The following RNF141 variants were observed in gnomAD, a reference collection of about 807,000 sequenced individuals.
RNF141 encodes ring finger protein 141, also known as C3HC4-like zinc finger protein.
In RNF141, 18 loss-of-function variants were observed where a neutral mutation model predicts 27.4. The observed-to-expected ratio is 0.66, with a 90% CI of 0.45 to 0.97. The LOEUF is 0.97. RNF141 is among the 50% of genes least tolerant of loss of function. RNF141 has a pLI of 0.00. For missense variants in RNF141, 230 were observed against 279.4 expected, an observed-to-expected ratio of 0.82 and a Z score of 1.26; for synonymous variants, 97 against 96.6, an observed-to-expected ratio of 1.00 and a Z score of -0.02.
chr11:10,519,812 G>T (rs1849873007), intron 4 of RNF141, among the ~76,000 whole-genome samples: 1 of 152,150 alleles, frequency 6.6e-6, no homozygotes, highest in Admixed American at 6.5e-5. Flanking sequence ...GAGCATGCGG[G>T]CCTGGAAGTT....
intron 2 of RNF141, among the ~76,000 whole-genome samples, chr11:10,531,495 TAACA>T (rs2133973703): frequency 6.6e-6 from 1 of 152,282 alleles, no homozygotes; most frequent in African/African-American, 2.4e-5. Flanking sequence ...ACAATGATAC[TAACA>T]AACCTCTTGA....
At chr11:10,529,172 TCTAATCTAAACCAATCATG>T (rs1406780320) in intron 3 of RNF141, among the ~76,000 whole-genome samples, 1 of 152,214 alleles carries the variant, frequency 6.6e-6, no homozygotes, top group Non-Finnish European at 1.5e-5. Context: ...TCCTGGTTAG[TCTAATCTAAACCAATCATG>T]CTAATCATAT....
Position 10,525,347 on chromosome 11 carries a change from C to T in RNF141, c.279G>A (p.Glu93=), listed in dbSNP as rs1008158192. The T allele has an allele frequency of 6.3e-7, 1 of 1,589,956 alleles. No homozygotes were observed. The highest frequency in any genetic ancestry group is 1.2e-5 in the South Asian group (1 of 85,694). ...GGTATAAATTCATGATCCGTGATGCCTCCACAATGCCACTGCTTTTGTTAA... is the reference window on the plus strand; with the variant it reads ...GGTATAAATTCATGATCCGTGATGCTTCCACAATGCCACTGCTTTTGTTAA... ...TKINKSSGIV[E]ASRIMNLYQF... is the part of the protein sequence containing the mutation. The change falls in exon 4 of 6, where the codon GAG becomes GAA. Residue 93 remains glutamate (E), a synonymous_variant. Coordinates refer to ENST00000265981, the MANE Select transcript of RNF141 (RefSeq NM_016422.4).
intron 5 of RNF141, among the ~76,000 whole-genome samples, chr11:10,517,893 C>A (rs1849855255): frequency 6.6e-6 from 1 of 151,958 alleles, no homozygotes; most frequent in Non-Finnish European, 1.5e-5. Flanking sequence ...TATTGTATTT[C>A]CATATACTAG....
intron 1 of RNF141, among the ~76,000 whole-genome samples, chr11:10,540,408 A>G (rs1022731409): frequency 2.6e-5 from 4 of 152,240 alleles, no homozygotes; most frequent in African/African-American, 9.6e-5. Context: ...CACATTTTGT[A>G]ACGCCGAGAC....
intron 4 of RNF141, among the ~76,000 whole-genome samples, chr11:10,521,152 T>G (rs1021539787): frequency 2.0e-5 from 3 of 152,234 alleles, no homozygotes; most frequent in Non-Finnish European, 4.4e-5. Flanking sequence ...ATGAGCCATA[T>G]ACCTTTGCAG....
intron 1 of RNF141, among the ~76,000 whole-genome samples, chr11:10,536,802 G>A (rs1176605992): frequency 6.6e-6 from 1 of 152,244 alleles, no homozygotes; most frequent in Non-Finnish European, 1.5e-5. Flanking sequence ...ACAGTATAAC[G>A]GGGGCAACAA....
intron 3 of RNF141, among the ~76,000 whole-genome samples, chr11:10,526,020 G>A (rs1397498906): frequency 6.6e-6 from 1 of 152,126 alleles, no homozygotes; most frequent in African/African-American, 2.4e-5. Context: ...CTTGGGGCAA[G>A]CAGAGGAGAT....
intron 4 of RNF141, among the ~76,000 whole-genome samples, 156 bp from the exon 5 acceptor site, chr11:10,519,297 TTTAGGGATAGCAAATATA>T: frequency 6.6e-6 from 1 of 152,120 alleles, no homozygotes; most frequent in South Asian, 2.1e-4. Flanking sequence ...AATATTATCT[TTTAGGGATAGCAAATATA>T]TTAGGGAAAA....
chr11:10,531,557 T>C (rs1362662892), intron 2 of RNF141, among the ~76,000 whole-genome samples: 1 of 152,194 alleles, frequency 6.6e-6, no homozygotes, highest in African/African-American at 2.4e-5. Flanking sequence ...AAACAAATGA[T>C]TTGAGACACT....
chr11:10,517,528 A>G (rs1255555864), intron 5 of RNF141: 1 of 152,124 alleles, frequency 6.6e-6, no homozygotes, highest in Non-Finnish European at 1.5e-5. Context: ...ATAAACCCCA[A>G]GCACAAGAAA....
chr11:10,532,532 CACA>C (rs1849997054), intron 2 of RNF141, among the ~76,000 whole-genome samples: 2 of 131,082 alleles, frequency 1.5e-5, no homozygotes, highest in South Asian at 2.4e-4. Context: ...CACACACACA[CACA>C]CACCCCACAA....
In RNF141 at chr11:10,519,068, C is replaced by T; in HGVS notation, c.508G>A (p.Ala170Thr). Residue 170 changes from alanine to threonine, a missense_variant, in exon 5 of 6, where the codon GCT becomes ACT. By Grantham distance (58) the Ala-to-Thr change is moderately conservative (BLOSUM62 0). Coordinates refer to ENST00000265981, the MANE Select transcript of RNF141 (RefSeq NM_016422.4). ...DGRADLILPC[A>T]HSFCQKCIDK... is the part of the protein sequence containing the mutation. ...ATACACTTCTGACAAAAGCTGTGAG[C>T]ACAAGGCAGGATGAGGTCAGCCCGC... The T allele has an allele frequency of 1.2e-6, 2 of 1,614,010 alleles. No homozygotes were observed. Among genetic ancestry groups the T allele is most frequent in the South Asian group, 1.1e-5 (1 of 91,080 alleles).
chr11:10,537,058 A>G (rs1380158595), intron 1 of RNF141, among the ~76,000 whole-genome samples: 1 of 152,264 alleles, frequency 6.6e-6, no homozygotes, highest in African/African-American at 2.4e-5. Flanking sequence ...ATATCTGAGG[A>G]GCTGTCATGT....
intron 4 of RNF141, 137 bp downstream of exon 4, chr11:10,525,055 C>G: frequency 1.7e-6 from 1 of 598,486 alleles, no homozygotes; most frequent in Non-Finnish European, 2.7e-6. Context: ...AACCCCAAAA[C>G]TGATCTCAGA....
intron 4 of RNF141, among the ~76,000 whole-genome samples, chr11:10,523,446 T>A (rs1849905622): frequency 1.3e-5 from 2 of 152,162 alleles, no homozygotes; most frequent in Admixed American, 6.5e-5. Flanking sequence ...ATTTAATGAG[T>A]TTATACATGT....
rs375380846 is a variant in RNF141, at chr11:10,534,010, C to G, written c.143+6G>C. 9.1e-5 allele frequency: 146 copies of G among 1,611,932 alleles called. No homozygotes were observed. The highest frequency in any genetic ancestry group is 1.1e-4 in the Non-Finnish European group (130 of 1,179,060). On this transcript the variant is annotated splice_donor_region_variant and intron_variant, in intron 2 of 5. Coordinates refer to ENST00000265981, the MANE Select transcript of RNF141 (RefSeq NM_016422.4). ...AAAAACGAAAAACAAAAAGAGCAAG[C>G]CTTACACATCATTAAGCTCAGCTAC...
chr11:10,514,349 T>C lies in RNF141; in HGVS notation c.*567A>G, dbSNP rs932183200. The C allele has an allele frequency of 2.0e-5, 3 of 152,618 alleles. No homozygotes were observed. Among genetic ancestry groups the C allele is most frequent in the African/African-American group, 2.4e-5 (1 of 41,454 alleles). The allele number at this position is 152,618 out of a possible 1,614,324, so 9.5% of individuals were successfully genotyped here. A position where few individuals can be genotyped will look rare whatever the true frequency, so the allele number is the denominator to read the frequency against. On this transcript the variant is annotated 3_prime_UTR_variant, in exon 6 of 6. Coordinates refer to ENST00000265981, the MANE Select transcript of RNF141 (RefSeq NM_016422.4). ...GTTCCAAAACACACTGCTAAAGTTA[T>C]GAAATAATTGTGGATCATTTCAAGT...
intron 1 of RNF141, chr11:10,540,644 C>T (rs555946943): frequency 6.6e-6 from 1 of 152,356 alleles, no homozygotes; most frequent in Admixed American, 6.5e-5. Flanking sequence ...GAGCTATCGT[C>T]CCAGGCAAAA....
Sources: allele counts gnomAD v4.1 joint callset (sites outside exome capture counted in the v4.1 genomes callset), GRCh38; gene constraint gnomAD v4.1.1; transcripts MANE v1.5; gene names NCBI Gene and HGNC (gene_info 2026-07-23, HGNC 2026-07-21).